The following NALF1 variants were observed in gnomAD, a reference collection of about 807,000 sequenced individuals.
NALF1 encodes the protein family with sequence similarity 155 member A.
Under a neutral mutation model 48.4 loss-of-function variants are expected in NALF1, and 3 were observed. The observed-to-expected ratio is 0.06, with a 90% CI of 0.03 to 0.16. The LOEUF is 0.16. Ranked by LOEUF, NALF1 falls within the 10% of genes least tolerant of loss-of-function variation. The pLI is 1.00. For missense variants in NALF1, 526 were observed against 571.5 expected, an observed-to-expected ratio of 0.92 and a Z score of 0.81; for synonymous variants, 262 against 245.7, an observed-to-expected ratio of 1.07 and a Z score of -0.62.
At position 107,444,399 on chromosome 13, in the gene NALF1, G is replaced by T. The variant is rs183853540; in HGVS notation, c.916-233644C>A. 3.9e-5 allele frequency among the ~76,000 whole-genome samples: 6 copies of T among 152,238 alleles called. No homozygotes were observed. In the East Asian group the frequency reaches 1.2e-3, roughly 29 times the overall value. On this transcript the variant is annotated intron_variant, in intron 1 of 2. Coordinates refer to ENST00000375915, the MANE Select transcript of NALF1 (RefSeq NM_001080396.3). ...TGTTGTCCACAAATATCAGGAGATT[G>T]TATGAGCTTTTCTATAGGGAAGGGG... is the stretch of plus-strand genomic sequence containing the variant.
intron 1 of NALF1, among the ~76,000 whole-genome samples, chr13:107,680,950 T>A (rs1001496888): frequency 1.2e-4 from 1 of 8,052 alleles, no homozygotes; most frequent in Non-Finnish European, 1.5e-3. Flanking sequence ...AGTGTAACAG[T>A]GTGTGTGTGT....
At chr13:107,818,744 C>A (rs1449165504) in intron 1 of NALF1, among the ~76,000 whole-genome samples, 1 of 144,334 alleles carries the variant, frequency 6.9e-6, no homozygotes, top group Non-Finnish European at 1.5e-5. Flanking sequence ...TGGTAGCGGG[C>A]GCCTGTAGTC....
chr13:107,579,859 C>A (rs1450814444), intron 1 of NALF1, among the ~76,000 whole-genome samples: 1 of 151,914 alleles, frequency 6.6e-6, no homozygotes, highest in Non-Finnish European at 1.5e-5. Flanking sequence ...GGACTGTAAA[C>A]TAGTTCAACC....
In NALF1 at chr13:107,492,031, GGTTTTTTTTT is replaced by G. The variant is rs1003210632; in HGVS notation, c.916-281286_916-281277del. 1.0e-4 allele frequency among the ~76,000 whole-genome samples: 14 copies of G among 134,606 alleles called. 1 individual carries two copies. Among genetic ancestry groups the G allele is most frequent in the African/African-American group, 1.5e-4 (5 of 32,514 alleles). The allele number at this position is 134,606 out of a possible 152,430, so 88.3% of individuals were successfully genotyped here. On this transcript the variant is annotated intron_variant, in intron 1 of 2. Coordinates refer to ENST00000375915, the MANE Select transcript of NALF1 (RefSeq NM_001080396.3). ...TGTTTCATTTTTACAAGCCTGTCTG[GGTTTTTTTTT>G]GTTTTTTTTTTTTTTTGGTGAGGCA...
Position 107,168,722 on chromosome 13 carries a change from T to A in NALF1, c.*1775A>T, listed in dbSNP as rs1878721342. The A allele has an allele frequency of 6.6e-6, 1 of 152,624 alleles. No homozygotes were observed. The highest frequency in any genetic ancestry group is 6.5e-5 in the Admixed American group (1 of 15,274). The allele number at this position is 152,624 out of a possible 1,614,324, so 9.5% of individuals were successfully genotyped here. ...CTTAACAGACTGGAACGAAACATTTTTTTTCAAAACAAAATATGCATACTG... is the reference window on the plus strand; with the variant it reads ...CTTAACAGACTGGAACGAAACATTTATTTTCAAAACAAAATATGCATACTG... On this transcript the variant is annotated 3_prime_UTR_variant, in exon 3 of 3. Transcript: ENST00000375915.
intron 1 of NALF1, among the ~76,000 whole-genome samples, chr13:107,798,978 A>G (rs1403313907): frequency 1.3e-5 from 2 of 152,222 alleles, no homozygotes; most frequent in African/African-American, 4.8e-5. Flanking sequence ...CCTTATAATT[A>G]GTCTCATTTT....
rs532330850 is a variant in NALF1, at chr13:107,647,917, A to G, written c.915+217765T>C. Reference sequence around the variant, plus strand: ...CATTTATTTTTTAAAACTGAGCTTAACAAATTTTAAAAAGCTACCCTAATT... The same window carrying G: ...CATTTATTTTTTAAAACTGAGCTTAGCAAATTTTAAAAAGCTACCCTAATT... On this transcript the variant is annotated intron_variant, in intron 1 of 2. Coordinates refer to ENST00000375915, the MANE Select transcript of NALF1 (RefSeq NM_001080396.3). 7.9e-5 allele frequency among the ~76,000 whole-genome samples: 12 copies of G among 152,298 alleles called. 1 individual carries two copies. In the South Asian group the frequency reaches 2.5e-3, roughly 32 times the overall value.
intron 1 of NALF1, among the ~76,000 whole-genome samples, chr13:107,711,106 G>GT (rs1875577259): frequency 6.6e-6 from 1 of 152,176 alleles, no homozygotes; most frequent in African/African-American, 2.4e-5. Flanking sequence ...GAAATGCTCA[G>GT]TAACTGACCA....
intron 2 of NALF1, among the ~76,000 whole-genome samples, chr13:107,186,620 C>A (rs993623660): frequency 6.6e-6 from 1 of 152,170 alleles, no homozygotes; most frequent in Admixed American, 6.5e-5. Flanking sequence ...CCCACCTCGG[C>A]CTCCCAAAGT....
chr13:107,575,966 GTGTGTGTGTGCATA>G (rs1003796646), intron 1 of NALF1, among the ~76,000 whole-genome samples: 20 of 144,522 alleles, frequency 1.4e-4, no homozygotes, highest in African/African-American at 3.7e-4. Flanking sequence ...TGTGTTGGGT[GTGTGTGTGTGCATA>G]TGTGTGTGTG....
intron 1 of NALF1, among the ~76,000 whole-genome samples, chr13:107,693,437 G>A (rs1294102435): frequency 2.0e-5 from 3 of 152,106 alleles, no homozygotes; most frequent in East Asian, 3.9e-4. Flanking sequence ...AAACCTGCAT[G>A]TTGTGCATAT....
intron 1 of NALF1, among the ~76,000 whole-genome samples, chr13:107,513,592 T>C (rs1875964888): frequency 6.6e-6 from 1 of 151,964 alleles, no homozygotes; most frequent in Non-Finnish European, 1.5e-5. Flanking sequence ...AACGTAATAA[T>C]AGAAAGCACA....
At chr13:107,597,157 T>C (rs1361067737) in intron 1 of NALF1, among the ~76,000 whole-genome samples, 5 of 152,080 alleles carry the variant, frequency 3.3e-5, no homozygotes, top group African/African-American at 1.2e-4. Context: ...GTAGATAAGG[T>C]GAATAAACAG....
intron 1 of NALF1, among the ~76,000 whole-genome samples, chr13:107,861,854 T>G (rs1395265888): frequency 1.4e-5 from 1 of 72,250 alleles, no homozygotes; most frequent in African/African-American, 5.8e-5. Context: ...CTTTTCAAAT[T>G]GTACATTATG....
chr13:107,450,875 G>C (rs1884728982), intron 1 of NALF1, among the ~76,000 whole-genome samples: 1 of 152,166 alleles, frequency 6.6e-6, no homozygotes, highest in Non-Finnish European at 1.5e-5. Flanking sequence ...GCTTTGAATT[G>C]GCTGTGAAAA....
intron 1 of NALF1, among the ~76,000 whole-genome samples, chr13:107,356,433 G>A (rs1458264690): frequency 6.6e-6 from 1 of 152,146 alleles, no homozygotes; most frequent in Admixed American, 6.5e-5. Flanking sequence ...AAGCTTAGAT[G>A]CTTTTCGATT....
chr13:107,255,374 T>C (rs1880792409), intron 1 of NALF1, among the ~76,000 whole-genome samples: 1 of 152,184 alleles, frequency 6.6e-6, no homozygotes, highest in Admixed American at 6.5e-5. Flanking sequence ...AATAACCCCT[T>C]TTAAATTACA....
chr13:107,774,494 T>C (rs1877666765), intron 1 of NALF1, among the ~76,000 whole-genome samples: 1 of 152,226 alleles, frequency 6.6e-6, no homozygotes, highest in African/African-American at 2.4e-5. Context: ...CCTGGCTACA[T>C]TAACTATGTT....
intron 1 of NALF1, among the ~76,000 whole-genome samples, chr13:107,539,883 T>A (rs1876950862): frequency 6.6e-6 from 1 of 152,176 alleles, no homozygotes; most frequent in African/African-American, 2.4e-5. Context: ...AGTGCTGGTT[T>A]TGCTATACAT....
Sources: allele counts gnomAD v4.1 joint callset (sites outside exome capture counted in the v4.1 genomes callset), GRCh38; gene constraint gnomAD v4.1.1; transcripts MANE v1.5; gene names NCBI Gene and HGNC (gene_info 2026-07-23, HGNC 2026-07-21).